Variants in ARHGAP21 observed in about 807,000 individuals in gnomAD.
ARHGAP21 encodes the protein Rho GTPase activating protein 21, also known as rho GTPase-activating protein 21.
A neutral mutation model predicts 164.6 loss-of-function variants in ARHGAP21; 38 were observed. The ratio of observed to expected loss-of-function variants is 0.23; its 90% CI spans 0.18 to 0.30. ARHGAP21 has a LOEUF of 0.30. Among genes scored for constraint, ARHGAP21 ranks in the 10% least tolerant of loss-of-function variants. The pLI, the probability that ARHGAP21 is intolerant of heterozygous loss-of-function variation, is 1.00. For synonymous variants in ARHGAP21, 766 were observed against 857.9 expected, an observed-to-expected ratio of 0.89 and a Z score of 1.87; for missense variants, 1,822 against 2,370.7, an observed-to-expected ratio of 0.77 and a Z score of 4.81.
At chr10:24,596,323 C>T (rs575258038) in intron 17 of ARHGAP21, 124 of 424,636 alleles carry the variant, frequency 2.9e-4, no homozygotes, top group Non-Finnish European at 4.3e-4. Context: ...GAAACCGTTC[C>T]GCTGAATAAA....
chr10:24,604,450 T>TGACA, intron 11 of ARHGAP21, 102 bp from the exon 12 acceptor site: 1 of 728,536 alleles, frequency 1.4e-6, no homozygotes, highest in Non-Finnish European at 2.2e-6. Context: ...AATAATAATC[T>TGACA]GACATTTCAT....
intron 2 of ARHGAP21, among the ~76,000 whole-genome samples, chr10:24,680,260 C>T (rs1841643351): frequency 6.6e-6 from 1 of 152,090 alleles, no homozygotes; most frequent in Non-Finnish European, 1.5e-5. Flanking sequence ...CCCGTAACAG[C>T]TTTTTGATCT....
intron 2 of ARHGAP21, among the ~76,000 whole-genome samples, chr10:24,704,340 C>T (rs1844009877): frequency 6.8e-6 from 1 of 146,090 alleles, no homozygotes; most frequent in African/African-American, 2.6e-5. Context: ...GCCCAGGCTG[C>T]AGTGCAGTGG....
chr10:24,696,653 G>A (rs1049560178), intron 2 of ARHGAP21, among the ~76,000 whole-genome samples: 1 of 152,106 alleles, frequency 6.6e-6, no homozygotes. Context: ...ATATACTACT[G>A]GGATGGCTCT....
At chr10:24,636,108 T>G (rs1002907533) in intron 4 of ARHGAP21, among the ~76,000 whole-genome samples, 8 of 152,166 alleles carry the variant, frequency 5.3e-5, no homozygotes, top group African/African-American at 1.9e-4. Flanking sequence ...AAAATGGATG[T>G]TTTGGAGTCT....
At chr10:24,658,539 T>C (rs1226807793) in intron 4 of ARHGAP21, among the ~76,000 whole-genome samples, 1 of 152,178 alleles carries the variant, frequency 6.6e-6, no homozygotes, top group African/African-American at 2.4e-5. Flanking sequence ...GAGACGTCGA[T>C]GAAGCTAGAA....
At chr10:24,670,191 TCAAG>T (rs1225321774) in intron 3 of ARHGAP21, 23 bp downstream of exon 3, 4 of 1,508,584 alleles carry the variant, frequency 2.7e-6, no homozygotes, top group Admixed American at 1.9e-5. Context: ...GGTTTTTTTT[TCAAG>T]TTGCGGTAAC....
intron 4 of ARHGAP21, among the ~76,000 whole-genome samples, chr10:24,655,390 C>G (rs1404114837): frequency 6.6e-6 from 1 of 152,190 alleles, no homozygotes; most frequent in African/African-American, 2.4e-5. Flanking sequence ...GGGCTAACAT[C>G]CAGAATCTAC....
At chr10:24,691,541 A>C (rs1165873187) in intron 2 of ARHGAP21, among the ~76,000 whole-genome samples, 1 of 152,242 alleles carries the variant, frequency 6.6e-6, no homozygotes, top group Non-Finnish European at 1.5e-5. Context: ...TAAATATCAA[A>C]AAGTATTTTA....
At chr10:24,596,163 A>T in intron 17 of ARHGAP21, 120 bp from the exon 18 acceptor site, 1 of 817,808 alleles carries the variant, frequency 1.2e-6, no homozygotes, top group South Asian at 2.0e-5. Context: ...TGTAATATAA[A>T]GAATACAGAC....
Position 24,591,844 on chromosome 10 carries a change from C to T in ARHGAP21, c.4002+43G>A, listed in dbSNP as rs766610619. The T allele has an allele frequency of 3.1e-6, 5 of 1,592,500 alleles. No individual in the cohort carries two copies. In the African/African-American group the frequency reaches 4.1e-5, roughly 13 times the overall value. Reference sequence around the variant, plus strand: ...CTGCCCGTGAAAATGAATTTTCTTGCAGAGATGAAGCATGAACTTACAGAG... The same window carrying T: ...CTGCCCGTGAAAATGAATTTTCTTGTAGAGATGAAGCATGAACTTACAGAG... On this transcript the variant is annotated intron_variant, in intron 22 of 25. Transcript: ENST00000396432.
At chr10:24,679,087 T>C (rs1314330795) in intron 2 of ARHGAP21, among the ~76,000 whole-genome samples, 2 of 152,352 alleles carry the variant, frequency 1.3e-5, no homozygotes, top group African/African-American at 4.8e-5. Flanking sequence ...GTACAGGTTT[T>C]TGTATGAACA....
At chr10:24,686,816 T>G (rs1247163091) in intron 2 of ARHGAP21, among the ~76,000 whole-genome samples, 1 of 152,232 alleles carries the variant, frequency 6.6e-6, no homozygotes, top group Non-Finnish European at 1.5e-5. Context: ...GTGTACTAAC[T>G]GAATAAACTA....
intron 9 of ARHGAP21, among the ~76,000 whole-genome samples, chr10:24,618,357 T>C (rs1834195360): frequency 6.6e-6 from 1 of 152,204 alleles, no homozygotes; most frequent in Non-Finnish European, 1.5e-5. Flanking sequence ...ATGTAGTTTA[T>C]GTTTTAGTTC....
chr10:24,705,863 A>G (rs1321113903), intron 2 of ARHGAP21, among the ~76,000 whole-genome samples: 1 of 152,176 alleles, frequency 6.6e-6, no homozygotes, highest in Non-Finnish European at 1.5e-5. Context: ...GAATTTGTAC[A>G]ATATTATCTA....
At chr10:24,677,842 A>C (rs1785477346) in intron 2 of ARHGAP21, among the ~76,000 whole-genome samples, 1 of 152,156 alleles carries the variant, frequency 6.6e-6, no homozygotes, top group Non-Finnish European at 1.5e-5. Flanking sequence ...TTGAGGACCT[A>C]CTGTTTACCC....
At chr10:24,696,490 A>G (rs943616787) in intron 2 of ARHGAP21, among the ~76,000 whole-genome samples, 2 of 152,162 alleles carry the variant, frequency 1.3e-5, no homozygotes, top group African/African-American at 4.8e-5. Context: ...TAGGTAAAGT[A>G]CTCAGAAGTG....
chr10:24,646,126 A>T (rs1837545883), intron 4 of ARHGAP21, among the ~76,000 whole-genome samples: 1 of 152,190 alleles, frequency 6.6e-6, no homozygotes, highest in Non-Finnish European at 1.5e-5. Flanking sequence ...AAATATTTCT[A>T]TTCTGTTTTT....
intron 4 of ARHGAP21, among the ~76,000 whole-genome samples, chr10:24,650,526 C>G (rs1461613448): frequency 6.6e-6 from 1 of 152,106 alleles, no homozygotes. Flanking sequence ...TAATAATGTT[C>G]TTTAACCTTT....
Sources: allele counts gnomAD v4.1 joint callset (sites outside exome capture counted in the v4.1 genomes callset), GRCh38; gene constraint gnomAD v4.1.1; transcripts MANE v1.5; gene names NCBI Gene and HGNC (gene_info 2026-07-23, HGNC 2026-07-21).